The following MAP7D2 variants were observed in gnomAD, a reference collection of about 807,000 sequenced individuals.
The protein encoded by MAP7D2 is MAP7 domain containing 2.
MAP7D2 carries 33 observed loss-of-function variants against 63.5 expected under a neutral mutation model. That is an observed-to-expected ratio of 0.52 (90% CI 0.39 to 0.70). MAP7D2 has a LOEUF of 0.70. Ranked by LOEUF, MAP7D2 falls within the 30% of genes least tolerant of loss-of-function variation. The pLI is 0.00. For synonymous variants in MAP7D2, 224 were observed against 223.7 expected, an observed-to-expected ratio of 1.00 and a Z score of -0.01; for missense variants, 626 against 604.0, an observed-to-expected ratio of 1.04 and a Z score of -0.38.
At chrX:20,023,807 C>A (rs1199870484) in intron 10 of MAP7D2, among the ~76,000 whole-genome samples, 1 of 110,974 alleles carries the variant, frequency 9.0e-6, no homozygotes, top group African/African-American at 3.3e-5. Context: ...ACCTTAAGGC[C>A]CACCCAAACC....
intron 9 of MAP7D2, 73 bp from the exon 10 acceptor site, chrX:20,025,156 C>A: frequency 9.0e-7 from 1 of 1,110,060 alleles, no homozygotes; most frequent in Admixed American, 2.7e-5. Context: ...CACACAGCAG[C>A]TGCCAGTTGG....
intron 1 of MAP7D2, among the ~76,000 whole-genome samples, chrX:20,069,944 T>C (rs1234803632): frequency 9.0e-6 from 1 of 110,646 alleles, no homozygotes; most frequent in Non-Finnish European, 1.9e-5. Flanking sequence ...TGGCTTTTTC[T>C]TTTCTTTCTC....
In MAP7D2 at chrX:20,063,511, T is replaced by C. The variant is rs967887245; in HGVS notation, c.275A>G (p.Glu92Gly). Residue 92 changes from glutamate (E) to glycine (G), a missense_variant, in exon 3 of 17, where the codon GAG becomes GGG. Transcript: ENST00000379643. ...CTCTTCCAGTTTTCGCCATCGCTCC[T>C]CCATTTGCTTTTCGTACTGCAGCCT... ...RARLQYEKQM[E>G]ERWRKLEEQR... The C allele has an allele frequency of 8.3e-7, 1 of 1,210,705 alleles. No homozygotes were observed. The highest frequency in any genetic ancestry group is 1.1e-6 in the Non-Finnish European group (1 of 895,292).
At chrX:20,088,102 T>C (rs1237249985) in intron 1 of MAP7D2, among the ~76,000 whole-genome samples, 1 of 105,925 alleles carries the variant, frequency 9.4e-6, no homozygotes, top group Non-Finnish European at 1.9e-5. Flanking sequence ...GGTTTTACCA[T>C]GTTGGCCAGG....
At position 20,012,489 on chromosome X, in the gene MAP7D2, G is replaced by A. The variant is rs914602447; in HGVS notation, c.1932C>T (p.His644=). Residue 644 remains histidine (H), a synonymous_variant, in exon 15 of 17, where the codon CAC becomes CAT. Coordinates refer to ENST00000379643, the MANE Select transcript of MAP7D2 (RefSeq NM_001168465.2). ...NTCQEVNGVD[H]AAPETYPQDI... The stretch of plus-strand genomic sequence containing the variant: ...CTTGGGGATAAGTTTCTGGGGCAGC[G>A]TGATCCACACCATTAACTTCCTGGC... 5 of 1,205,119 alleles carry A rather than the reference G, an allele frequency of 4.1e-6. No homozygotes were observed. Among genetic ancestry groups the A allele is most frequent in the South Asian group, 1.8e-5 (1 of 55,207 alleles).
chrX:20,022,236 C>T (rs1308635400), intron 10 of MAP7D2, among the ~76,000 whole-genome samples: 1 of 111,274 alleles, frequency 9.0e-6, no homozygotes, highest in Non-Finnish European at 1.9e-5. Context: ...GGTGTGGAGC[C>T]GTGTGATGGG....
chrX:20,039,339 A>G (rs1202388439), intron 8 of MAP7D2, among the ~76,000 whole-genome samples: 1 of 112,233 alleles, frequency 8.9e-6, no homozygotes, highest in African/African-American at 3.2e-5. Context: ...TCTTTCCTTT[A>G]TCATGTGACA....
rs768081392 is a variant in MAP7D2 at position 20,076,932 on chromosome X, A to G, written c.131-12127T>C. Among the ~76,000 whole-genome samples the G allele has an allele frequency of 8.2e-4, 93 of 112,885 alleles. 5 individuals are homozygous for G. Among genetic ancestry groups the G allele is most frequent in the Non-Finnish European group, 2.2e-4 (12 of 53,409 alleles). On this transcript the variant is annotated intron_variant, in intron 1 of 16. Transcript: ENST00000379643. Reference sequence around the variant, plus strand: ...ACTAAACAATTCAAATGATTCCTAAATGATTTTCTTAAATCACAATTGCAC... The same window carrying G: ...ACTAAACAATTCAAATGATTCCTAAGTGATTTTCTTAAATCACAATTGCAC...
chrX:20,102,360 T>G lies in MAP7D2; in HGVS notation c.130+14390A>C, dbSNP rs1425395167. Among the ~76,000 whole-genome samples, 4 of 110,522 alleles carry G rather than the reference T, an allele frequency of 3.6e-5. No individual in the cohort carries two copies. In the East Asian group the frequency reaches 1.1e-3, roughly 31 times the overall value. On this transcript the variant is annotated intron_variant, in intron 1 of 16. Transcript: ENST00000379643. ...GAAAGATGAACAGGGTAGACAGGAA[T>G]GAAGATGGCAGACACAGAGAGGAAA...
chrX:20,089,334 T>C lies in MAP7D2; in HGVS notation c.131-24529A>G, dbSNP rs1183112129. ...ATATGTTTGTCTATCCTTATGCCAG[T>C]ATCACACTGTCTTGATTATAGGAAT... On this transcript the variant is annotated intron_variant, in intron 1 of 16. Transcript: ENST00000379643. Among the ~76,000 whole-genome samples, 4 of 112,394 alleles carry C rather than the reference T, an allele frequency of 3.6e-5. No individual in the cohort carries two copies. The East Asian group carries it at 1.1e-3, about 31-fold the overall frequency.
chrX:20,080,689 A>T (rs761441004), intron 1 of MAP7D2, among the ~76,000 whole-genome samples: 1 of 111,475 alleles, frequency 9.0e-6, no homozygotes, highest in Non-Finnish European at 1.9e-5. Flanking sequence ...GTGCCCTGGG[A>T]GCAGGGGCTC....
intron 1 of MAP7D2, among the ~76,000 whole-genome samples, chrX:20,080,990 C>A (rs2065763918): frequency 1.8e-5 from 2 of 111,650 alleles, no homozygotes; most frequent in African/African-American, 6.5e-5. Context: ...ATACAAGCTC[C>A]CAACTCACCA....
intron 8 of MAP7D2, among the ~76,000 whole-genome samples, chrX:20,039,828 G>A (rs759756431): frequency 9.1e-5 from 10 of 109,663 alleles, no homozygotes; most frequent in African/African-American, 2.7e-4. Flanking sequence ...GTGAAACCCC[G>A]TCTCTACTAA....
chrX:20,100,976 G>A (rs1336696908), intron 1 of MAP7D2, among the ~76,000 whole-genome samples: 8 of 104,747 alleles, frequency 7.6e-5, no homozygotes, highest in East Asian at 5.9e-4. Context: ...AGCCGAGATC[G>A]CACCACTGCA....
chrX:20,010,820 G>A lies in MAP7D2; in HGVS notation c.2305C>T (p.Leu769Phe), dbSNP rs971430250. The stretch of plus-strand genomic sequence containing the variant: ...TGTATTTGTCAACAGAAGGTGTTGA[G>A]AGGAGTTTCTTGGCCAGGACTGTTA... ...GFNSPGQETP[L>F]NTFC The change falls in exon 16 of 17, where the codon CTC (leucine) becomes TTC (phenylalanine). Residue 769 changes from leucine to phenylalanine, a missense_variant. By Grantham distance (22) the Leu-to-Phe change is conservative (BLOSUM62 0). Coordinates refer to ENST00000379643, the MANE Select transcript of MAP7D2 (RefSeq NM_001168465.2). 8.3e-7 allele frequency: 1 copy of A among 1,209,244 alleles called. No homozygotes were observed. The highest frequency in any genetic ancestry group is 1.7e-5 in the African/African-American group (1 of 57,768).
intron 3 of MAP7D2, among the ~76,000 whole-genome samples, chrX:20,060,432 G>GAGAAAGAA (rs59420678): frequency 3.0e-3 from 209 of 69,203 alleles, no homozygotes; most frequent in Non-Finnish European, 3.5e-3. Flanking sequence ...GAGAGAGAGA[G>GAGAAAGAA]AGAAAGAAAG....
intron 1 of MAP7D2, among the ~76,000 whole-genome samples, chrX:20,107,668 T>C (rs959440645): frequency 8.9e-6 from 1 of 111,753 alleles, no homozygotes; most frequent in Non-Finnish European, 1.9e-5. Flanking sequence ...TTTCACCGTT[T>C]CTTTTTCTTA....
At chrX:20,038,508 A>C (rs1222805367) in intron 8 of MAP7D2, among the ~76,000 whole-genome samples, 2 of 111,849 alleles carry the variant, frequency 1.8e-5, no homozygotes, top group Admixed American at 9.5e-5. Flanking sequence ...GTTCTTCACA[A>C]GGCTGTGTAT....
chrX:20,031,406 G>C (rs954886918), intron 8 of MAP7D2, among the ~76,000 whole-genome samples: 1 of 111,048 alleles, frequency 9.0e-6, no homozygotes, highest in Admixed American at 9.6e-5. Flanking sequence ...CTAAGAAGGT[G>C]AGACAATTAA....
Sources: allele counts gnomAD v4.1 joint callset (sites outside exome capture counted in the v4.1 genomes callset), GRCh38; gene constraint gnomAD v4.1.1; transcripts MANE v1.5; gene names NCBI Gene and HGNC (gene_info 2026-07-23, HGNC 2026-07-21).